FSTL5: variants seen among roughly 807,000 people sequenced by gnomAD.
FSTL5 encodes follistatin-related protein 5.
A neutral mutation model predicts 89.1 loss-of-function variants in FSTL5; 62 were observed. That is an observed-to-expected ratio of 0.70 (90% CI 0.57 to 0.86). FSTL5 has a LOEUF of 0.86. FSTL5 is among the 40% of genes least tolerant of loss of function. FSTL5 has a pLI of 0.00. For synonymous variants in FSTL5, 383 were observed against 346.2 expected (o/e 1.11, Z -1.18); for missense variants, 1,057 against 1,001.6 (o/e 1.06, Z -0.75).
intron 4 of FSTL5, among the ~76,000 whole-genome samples, chr4:161,845,999 T>C (rs1031163440): frequency 6.6e-6 from 1 of 150,932 alleles, no homozygotes; most frequent in African/African-American, 2.4e-5. Context: ...TGAGCTGAGA[T>C]GATGCCACTG....
chr4:161,711,692 A>G lies in FSTL5; in HGVS notation c.727+47719T>C, dbSNP rs186326328. On this transcript the variant is annotated intron_variant, in intron 6 of 15. Transcript: ENST00000306100. ...AACAGAAGAAAAAGAAAATTTAACA[A>G]CAGTATCCCTTATGAATATTAATAT... is the stretch of plus-strand genomic sequence containing the variant. 7.0e-4 allele frequency among the ~76,000 whole-genome samples: 106 copies of G among 152,218 alleles called. 1 individual carries two copies. The highest frequency in any genetic ancestry group is 5.2e-3 in the Admixed American group (80 of 15,290).
chr4:161,977,592 G>A (rs1260540069), intron 3 of FSTL5, among the ~76,000 whole-genome samples: 24 of 130,946 alleles, frequency 1.8e-4, no homozygotes, highest in African/African-American at 6.9e-4. Context: ...CAGCCTGGGC[G>A]ACACAGCGAG....
chr4:161,547,621 A>G (rs1732051261), intron 8 of FSTL5, among the ~76,000 whole-genome samples: 1 of 151,980 alleles, frequency 6.6e-6, no homozygotes, highest in Admixed American at 6.6e-5. Context: ...TGAGTTAATT[A>G]TAGACATTCA....
At chr4:161,676,619 G>A (rs570546387) in intron 6 of FSTL5, among the ~76,000 whole-genome samples, 7 of 151,956 alleles carry the variant, frequency 4.6e-5, no homozygotes, top group African/African-American at 1.4e-4. Flanking sequence ...AAACCTGCAC[G>A]TTCTGCATAT....
intron 7 of FSTL5, among the ~76,000 whole-genome samples, chr4:161,631,287 A>G (rs1007378107): frequency 6.6e-6 from 1 of 152,196 alleles, no homozygotes; most frequent in Non-Finnish European, 1.5e-5. Flanking sequence ...AATTTCATCA[A>G]TAAATTGCTT....
At chr4:161,776,549 G>T (rs1004103551) in intron 4 of FSTL5, among the ~76,000 whole-genome samples, 4 of 101,606 alleles carry the variant, frequency 3.9e-5, no homozygotes, top group Non-Finnish European at 6.7e-5. Flanking sequence ...ATACATATAC[G>T]TATGTATATA....
intron 2 of FSTL5, among the ~76,000 whole-genome samples, chr4:162,076,526 T>G: frequency 6.6e-6 from 1 of 151,888 alleles, no homozygotes; most frequent in Admixed American, 6.6e-5. Context: ...TCTGGGTAAT[T>G]CAGCTGTGAG....
chr4:161,554,473 G>C (rs993861239), intron 8 of FSTL5, among the ~76,000 whole-genome samples: 1 of 151,260 alleles, frequency 6.6e-6, no homozygotes, highest in Non-Finnish European at 1.5e-5. Context: ...TTCTTTAGAA[G>C]TTTCTGCATT....
chr4:161,649,480 A>G (rs1736261712), intron 7 of FSTL5, among the ~76,000 whole-genome samples: 1 of 152,174 alleles, frequency 6.6e-6, no homozygotes, highest in Non-Finnish European at 1.5e-5. Context: ...AGCAAAACAA[A>G]CAACAAACAA....
chr4:161,776,349 A>G (rs1337557188), intron 4 of FSTL5, among the ~76,000 whole-genome samples: 1 of 152,032 alleles, frequency 6.6e-6, no homozygotes, highest in Admixed American at 6.6e-5. Flanking sequence ...GAAAAACATG[A>G]TAGCTCCAGC....
chr4:161,792,253 T>C lies in FSTL5; in HGVS notation c.410-16179A>G, dbSNP rs141156723. Among the ~76,000 whole-genome samples, 817 of 152,162 alleles carry C rather than the reference T, an allele frequency of 5.4e-3. 4 individuals carry two copies. Among genetic ancestry groups the C allele is most frequent in the Middle Eastern group, 0.031 (9 of 294 alleles). ...TCAGCCCCCTGCTGCCTCAGCCCCATCTGGGCTTTGGACAACAACAAGCAG... is the reference window on the plus strand; with the variant it reads ...TCAGCCCCCTGCTGCCTCAGCCCCACCTGGGCTTTGGACAACAACAAGCAG... On this transcript the variant is annotated intron_variant, in intron 4 of 15. Transcript: ENST00000306100.
At chr4:161,858,989 T>G (rs769428598) in intron 4 of FSTL5, among the ~76,000 whole-genome samples, 1 of 152,246 alleles carries the variant, frequency 6.6e-6, no homozygotes, top group Non-Finnish European at 1.5e-5. Context: ...ACATCTTCAC[T>G]GGGAAAATGT....
intron 4 of FSTL5, among the ~76,000 whole-genome samples, chr4:161,816,992 T>C (rs1730343786): frequency 6.6e-6 from 1 of 152,202 alleles, no homozygotes; most frequent in South Asian, 2.1e-4. Flanking sequence ...GACTGACTTT[T>C]CATAGAGTTG....
intron 5 of FSTL5, among the ~76,000 whole-genome samples, chr4:161,768,217 C>T (rs886277901): frequency 2.6e-5 from 4 of 152,048 alleles, no homozygotes; most frequent in Non-Finnish European, 4.4e-5. Context: ...ATCTGTGCCC[C>T]TAAGGGAAGT....
chr4:161,568,047 C>T (rs1272529245), intron 8 of FSTL5, among the ~76,000 whole-genome samples: 1 of 151,602 alleles, frequency 6.6e-6, no homozygotes, highest in African/African-American at 2.4e-5. Context: ...ACGAGATCAG[C>T]AGTGTTGGCT....
intron 8 of FSTL5, among the ~76,000 whole-genome samples, chr4:161,558,418 T>C (rs1732469558): frequency 1.3e-5 from 2 of 151,896 alleles, no homozygotes; most frequent in African/African-American, 2.4e-5. Flanking sequence ...TTTACAGTTA[T>C]CTCAAAATTA....
chr4:161,693,365 T>C (rs947343718), intron 6 of FSTL5, among the ~76,000 whole-genome samples: 2 of 152,132 alleles, frequency 1.3e-5, no homozygotes, highest in Admixed American at 1.3e-4. Context: ...AGATTTTGAG[T>C]AGTTTTGGTG....
At chr4:161,411,229 T>A (rs190926976) in intron 15 of FSTL5, among the ~76,000 whole-genome samples, 46 of 152,274 alleles carry the variant, frequency 3.0e-4, no homozygotes, top group African/African-American at 9.1e-4. Flanking sequence ...CCTGACCAGA[T>A]GATTCACAGC....
intron 4 of FSTL5, among the ~76,000 whole-genome samples, chr4:161,799,621 A>G (rs1025090003): frequency 2.0e-5 from 3 of 151,734 alleles, no homozygotes; most frequent in African/African-American, 7.2e-5. Flanking sequence ...GGAAAGCAAG[A>G]TCTAATGTAT....
Sources: gnomAD v4.1 joint callset for allele counts (sites outside exome capture counted in the v4.1 genomes callset) on GRCh38, gnomAD v4.1.1 for gene constraint, MANE v1.5 for transcripts, NCBI Gene and HGNC (gene_info 2026-07-23, HGNC 2026-07-21) for gene names.